The following SKAP1 variants were observed in gnomAD, a reference collection of about 807,000 sequenced individuals.
SKAP1 encodes src kinase associated phosphoprotein 1, also known as src kinase-associated phosphoprotein 1.
A neutral mutation model predicts 58.5 loss-of-function variants in SKAP1; 44 were observed. The ratio of observed to expected loss-of-function variants is 0.75; its 90% CI spans 0.59 to 0.97. The LOEUF (loss-of-function observed/expected upper bound fraction) is 0.97, where lower values mean the gene tolerates loss of function less well. Ranked by LOEUF, SKAP1 falls within the 50% of genes least tolerant of loss-of-function variation. The pLI, the probability that SKAP1 is intolerant of heterozygous loss-of-function variation, is 0.00. For missense variants in SKAP1, 390 were observed against 435.2 expected (o/e 0.90, Z 0.92); for synonymous variants, 127 against 149.7 (o/e 0.85, Z 1.11).
chr17:48,266,295 G>T (rs2065548505), intron 4 of SKAP1, among the ~76,000 whole-genome samples: 1 of 152,128 alleles, frequency 6.6e-6, no homozygotes, highest in Non-Finnish European at 1.5e-5. Context: ...TTCAAAGGTA[G>T]AGAGCATTTG....
intron 3 of SKAP1, among the ~76,000 whole-genome samples, chr17:48,351,176 A>G (rs571024397): frequency 3.9e-5 from 6 of 152,360 alleles, no homozygotes; most frequent in Non-Finnish European, 8.8e-5. Flanking sequence ...TTACTCACAC[A>G]TAAGTATATT....
At chr17:48,223,165 G>A (rs906727976) in intron 4 of SKAP1, among the ~76,000 whole-genome samples, 1 of 151,070 alleles carries the variant, frequency 6.6e-6, no homozygotes, top group African/African-American at 2.4e-5. Context: ...CAATTCCTGT[G>A]TGGTTTTGGA....
At chr17:48,303,183 A>C (rs1275832859) in intron 4 of SKAP1, among the ~76,000 whole-genome samples, 1 of 152,206 alleles carries the variant, frequency 6.6e-6, no homozygotes, top group Non-Finnish European at 1.5e-5. Flanking sequence ...AATATTGGAG[A>C]GTCTTACTTC....
intron 4 of SKAP1, among the ~76,000 whole-genome samples, chr17:48,340,867 C>T (rs1273394689): frequency 6.6e-6 from 1 of 151,980 alleles, no homozygotes; most frequent in East Asian, 1.9e-4. Context: ...TTTTAAAAAT[C>T]AACATTATAT....
intron 9 of SKAP1, among the ~76,000 whole-genome samples, chr17:48,174,155 A>G (rs1386865388): frequency 1.3e-5 from 2 of 152,220 alleles, no homozygotes; most frequent in African/African-American, 4.8e-5. Flanking sequence ...AGAAAGAAAA[A>G]AAAAACATTG....
At chr17:48,442,965 C>A in the SKAP1 span, among the ~76,000 whole-genome samples, 1 of 152,204 alleles carries the variant, frequency 6.6e-6, no homozygotes, top group Non-Finnish European at 1.5e-5. Context: ...ATCTTTCTAG[C>A]CTTGCTGCCT....
intron 4 of SKAP1, 106 bp from the exon 5 acceptor site, chr17:48,189,606 T>C (rs1478119817): frequency 2.8e-6 from 2 of 710,630 alleles, no homozygotes; most frequent in Non-Finnish European, 4.8e-6. Flanking sequence ...AAAAGGGCAA[T>C]TGCTTAAACA....
chr17:48,212,066 C>A (rs1414607854), intron 4 of SKAP1, among the ~76,000 whole-genome samples: 5 of 151,154 alleles, frequency 3.3e-5, no homozygotes, highest in Non-Finnish European at 5.9e-5. Context: ...AGCTAGCAGT[C>A]TCAGCTACAC....
intron 3 of SKAP1, among the ~76,000 whole-genome samples, chr17:48,347,770 T>C (rs571473169): frequency 1.3e-5 from 2 of 152,270 alleles, no homozygotes; most frequent in African/African-American, 4.8e-5. Context: ...GGACTGAGGA[T>C]TAAAATGCTC....
intron 2 of SKAP1, among the ~76,000 whole-genome samples, chr17:48,367,536 G>GTATATATATATATGGATATATATACA (rs2067021158): frequency 7.4e-6 from 1 of 135,602 alleles, no homozygotes; most frequent in Non-Finnish European, 1.6e-5. Flanking sequence ...GTATGTGTGT[G>GTATATATATATATGGATATATATACA]TATATATATA....
intron 3 of SKAP1, among the ~76,000 whole-genome samples, chr17:48,360,567 C>A (rs2066922749): frequency 6.6e-6 from 1 of 151,966 alleles, no homozygotes; most frequent in Non-Finnish European, 1.5e-5. Context: ...TTTGAGTAAG[C>A]AGGACATGAA....
At chr17:48,405,466 C>T (rs1346479265) in intron 1 of SKAP1, among the ~76,000 whole-genome samples, 13 of 102,606 alleles carry the variant, frequency 1.3e-4, no homozygotes, top group African/African-American at 4.4e-4. Context: ...TTCTTTCTTT[C>T]CTTCCTTCCT....
intron 4 of SKAP1, among the ~76,000 whole-genome samples, chr17:48,209,035 G>A (rs1390014068): frequency 2.6e-5 from 4 of 152,096 alleles, no homozygotes; most frequent in Non-Finnish European, 5.9e-5. Context: ...TATAATATGA[G>A]TAATTTTCTA....
chr17:48,155,923 T>A (rs938031873), intron 11 of SKAP1, among the ~76,000 whole-genome samples: 7 of 152,176 alleles, frequency 4.6e-5, no homozygotes, highest in Non-Finnish European at 8.8e-5. Context: ...AATCTGCAGA[T>A]AAAAGGAACT....
intron 12 of SKAP1, among the ~76,000 whole-genome samples, chr17:48,136,084 T>C (rs1335941534): frequency 1.3e-5 from 2 of 152,192 alleles, no homozygotes; most frequent in Non-Finnish European, 2.9e-5. Flanking sequence ...TGTGTCCATA[T>C]ATTCCAACTT....
At chr17:48,256,789 C>T (rs1598477837) in intron 4 of SKAP1, among the ~76,000 whole-genome samples, 1 of 152,020 alleles carries the variant, frequency 6.6e-6, no homozygotes, top group African/African-American at 2.4e-5. Flanking sequence ...AGAAGCTAAG[C>T]TATAAATAAA....
chr17:48,299,787 G>A (rs574864421), intron 4 of SKAP1, among the ~76,000 whole-genome samples: 1 of 152,234 alleles, frequency 6.6e-6, no homozygotes, highest in South Asian at 2.1e-4. Context: ...GTCCAACCTG[G>A]GGCAACTAGG....
At chr17:48,439,711 C>G in the SKAP1 span, among the ~76,000 whole-genome samples, 1 of 152,154 alleles carries the variant, frequency 6.6e-6, no homozygotes, top group Non-Finnish European at 1.5e-5. Context: ...AAAATAGAAA[C>G]CACCAAGGGC....
chr17:48,338,140 CT>C (rs896753682), intron 4 of SKAP1, among the ~76,000 whole-genome samples: 3 of 138,650 alleles, frequency 2.2e-5, no homozygotes, highest in Admixed American at 7.3e-5. Flanking sequence ...TCTTTCCTTT[CT>C]TTCTTTTTCT....
Sources: gnomAD v4.1 joint callset for allele counts (sites outside exome capture counted in the v4.1 genomes callset) on GRCh38, gnomAD v4.1.1 for gene constraint, MANE v1.5 for transcripts, NCBI Gene and HGNC (gene_info 2026-07-23, HGNC 2026-07-21) for gene names.